VPS13D: variants seen among roughly 807,000 people sequenced by gnomAD.
VPS13D encodes vacuolar protein sorting 13 homolog D.
Under a neutral mutation model 461.9 loss-of-function variants are expected in VPS13D, and 187 were observed. That is an observed-to-expected ratio of 0.40 (90% CI 0.36 to 0.46). The LOEUF (loss-of-function observed/expected upper bound fraction) is 0.46, where lower values mean the gene tolerates loss of function less well. Ranked by LOEUF, VPS13D falls within the 20% of genes least tolerant of loss-of-function variation. VPS13D has a pLI of 0.60. For missense variants in VPS13D, 4,711 were observed against 5,364.9 expected, an observed-to-expected ratio of 0.88 and a Z score of 3.81; for synonymous variants, 1,951 against 1,986.3, an observed-to-expected ratio of 0.98 and a Z score of 0.47.
chr1:12,477,987 A>C (rs974008536), intron 67 of VPS13D, among the ~76,000 whole-genome samples: 1 of 152,204 alleles, frequency 6.6e-6, no homozygotes, highest in African/African-American at 2.4e-5. Flanking sequence ...GCACTGTAGG[A>C]GGACTCAGCA....
In VPS13D at chr1:12,293,713, C is replaced by T; in HGVS notation, c.6033+9C>T. 6.2e-7 allele frequency: 1 copy of T among 1,610,414 alleles called. No homozygotes were observed. The highest frequency in any genetic ancestry group is 8.5e-7 in the Non-Finnish European group (1 of 1,178,608). The stretch of plus-strand genomic sequence containing the variant: ...CTATTGAGGGGCAGACGGTAGGTAG[C>T]CTGGGCCCTCCAAGCTGCTTTTCCA... On this transcript the variant is annotated intron_variant, in intron 24 of 69. Coordinates refer to ENST00000620676, the MANE Select transcript of VPS13D (RefSeq NM_015378.4).
chr1:12,370,070 C>T (rs961451020), intron 54 of VPS13D, among the ~76,000 whole-genome samples: 7 of 152,170 alleles, frequency 4.6e-5, no homozygotes, highest in Admixed American at 2.0e-4. Context: ...CCCACCATCC[C>T]ATTGAGAATA....
chr1:12,343,910 A>G (rs994542153), intron 42 of VPS13D, among the ~76,000 whole-genome samples: 3 of 152,232 alleles, frequency 2.0e-5, no homozygotes, highest in African/African-American at 7.2e-5. Context: ...TAATTTACAT[A>G]TATGCCACGT....
chr1:12,261,802 T>C (rs1347623960), intron 12 of VPS13D, 99 bp from the exon 13 acceptor site: 1 of 1,038,894 alleles, frequency 9.6e-7, no homozygotes, highest in African/African-American at 1.6e-5. Flanking sequence ...AAGGGAAAAA[T>C]AGTTAAATAA....
Position 12,416,773 on chromosome 1 carries a change from T to C in VPS13D, c.12279T>C (p.Asn4093=), listed in dbSNP as rs141480098. 1.9e-5 allele frequency: 31 copies of C among 1,613,950 alleles called. No individual in the cohort carries two copies. Among genetic ancestry groups the C allele is most frequent in the African/African-American group, 4.0e-5 (3 of 74,902 alleles). ...EGVTGLIKYG[N]VGGLIRNVTH... ...TTACTGGACTGATAAAATATGGAAA[T>C]GTCGGGGGCCTCATCAGAAATGTTA... Residue 4093 remains asparagine (N), a synonymous_variant, in exon 65 of 70, where the codon AAT becomes AAC. Coordinates refer to ENST00000620676, the MANE Select transcript of VPS13D (RefSeq NM_015378.4).
chr1:12,479,781 T>C lies in VPS13D; in HGVS notation c.12663-17719T>C, dbSNP rs577824133. Among the ~76,000 whole-genome samples, 16 of 152,314 alleles carry C rather than the reference T, an allele frequency of 1.1e-4. No individual in the cohort carries two copies. In the South Asian group the frequency reaches 3.3e-3, roughly 32 times the overall value. ...TCTACTTCCTTTCGATTCTTGGATA[T>C]GAAGGGTAGGAGCTTAATATCTGCC... is the stretch of plus-strand genomic sequence containing the variant. On this transcript the variant is annotated intron_variant, in intron 67 of 69. Coordinates refer to ENST00000620676, the MANE Select transcript of VPS13D (RefSeq NM_015378.4).
chr1:12,245,379 A>C (rs144434968), intron 5 of VPS13D, among the ~76,000 whole-genome samples: 3 of 152,354 alleles, frequency 2.0e-5, no homozygotes, highest in African/African-American at 4.8e-5. Context: ...TTGACAAACA[A>C]ATTTATAAAA....
At chr1:12,249,417 T>A (rs950949340) in intron 6 of VPS13D, 78 bp downstream of exon 6, 1 of 1,174,856 alleles carries the variant, frequency 8.5e-7, no homozygotes, top group Non-Finnish European at 1.2e-6. Context: ...TGCCATTTTG[T>A]GTTATGTAAA....
intron 55 of VPS13D, 36 bp downstream of exon 55, chr1:12,373,894 G>GT: frequency 6.5e-7 from 1 of 1,536,516 alleles, no homozygotes; most frequent in Non-Finnish European, 8.9e-7. Flanking sequence ...AGAATACAAG[G>GT]TTTTTAGCAC....
Position 12,356,203 on chromosome 1 carries a change from G to A in VPS13D, c.9871+113G>A, listed in dbSNP as rs1045868828. 7 of 1,410,080 alleles carry A rather than the reference G, an allele frequency of 5.0e-6. No individual in the cohort carries two copies. The African/African-American group carries it at 1.0e-4, about 20-fold the overall frequency. 87.3% of individuals were successfully genotyped at this position (1,410,080 alleles called of 1,614,324 possible). A position where few individuals can be genotyped will look rare whatever the true frequency, so the allele number is the denominator to read the frequency against. ...CAAATAGATTACTTCAACAGTCTGA[G>A]CTGCTGAAACATTCCTGCTTCCATC... On this transcript the variant is annotated intron_variant, in intron 48 of 69. Transcript: ENST00000620676.
chr1:12,457,126 T>C (rs980958711), intron 66 of VPS13D, among the ~76,000 whole-genome samples: 5 of 152,252 alleles, frequency 3.3e-5, no homozygotes, highest in Non-Finnish European at 5.9e-5. Context: ...TTGTTGCATT[T>C]TTCTTAACAA....
chr1:12,386,991 G>A (rs1644358390), intron 60 of VPS13D, among the ~76,000 whole-genome samples: 1 of 152,160 alleles, frequency 6.6e-6, no homozygotes, highest in Admixed American at 6.5e-5. Context: ...GGCATAGAGA[G>A]CTGCACAGAA....
Position 12,261,915 on chromosome 1 carries a change from T to A in VPS13D, c.1429T>A (p.Phe477Ile), listed in dbSNP as rs774016133. 2 of 1,610,824 alleles carry A rather than the reference T, an allele frequency of 1.2e-6. No individual in the cohort carries two copies. Among genetic ancestry groups the A allele is most frequent in the Non-Finnish European group, 1.7e-6 (2 of 1,177,996 alleles). Reference protein sequence around the residue: ...PEEILGTEEFFDPTADASCMN... With the variant: ...PEEILGTEEFIDPTADASCMN... The stretch of plus-strand genomic sequence containing the variant: ...TTACCATTTAGGCACTGAGGAGTTT[T>A]TTGACCCCACTGCAGATGCCTCGTG... Residue 477 changes from phenylalanine (F) to isoleucine (I), a missense_variant, in exon 13 of 70, where the codon TTT (phenylalanine) becomes ATT (isoleucine). This residue lies in a region of VPS13D where 4,411 missense variants were observed against 4,937.8 expected (regional missense o/e 0.89). Transcript: ENST00000620676.
At chr1:12,447,335 G>A (rs999708327) in intron 65 of VPS13D, among the ~76,000 whole-genome samples, 1 of 152,148 alleles carries the variant, frequency 6.6e-6, no homozygotes, top group African/African-American at 2.4e-5. Flanking sequence ...AAATGCTCAT[G>A]GTCTTTCCAG....
At chr1:12,367,494 C>A (rs1570017225) in intron 52 of VPS13D, among the ~76,000 whole-genome samples, 1 of 152,126 alleles carries the variant, frequency 6.6e-6, no homozygotes, top group African/African-American at 2.4e-5. Context: ...TTCCCAAAAA[C>A]CTTTCATTCA....
In VPS13D at chr1:12,308,181, G is replaced by A. The variant is rs111268684; in HGVS notation, c.6440-250G>A. Among the ~76,000 whole-genome samples, 265 of 152,214 alleles carry A rather than the reference G, an allele frequency of 1.7e-3. 5 individuals carry two copies. The highest frequency in any genetic ancestry group is 6.1e-3 in the African/African-American group (253 of 41,538). ...GCATGAGACACCGTAGAACTGTGAC[G>A]CGGTCTGTGCTTGGAGTGGAGGCGG... is the stretch of plus-strand genomic sequence containing the variant. On this transcript the variant is annotated intron_variant, in intron 26 of 69. Coordinates refer to ENST00000620676, the MANE Select transcript of VPS13D (RefSeq NM_015378.4).
At chr1:12,300,064 A>G (rs1187693202) in intron 25 of VPS13D, among the ~76,000 whole-genome samples, 1 of 151,958 alleles carries the variant, frequency 6.6e-6, no homozygotes, top group Non-Finnish European at 1.5e-5. Context: ...AAACAAGTAA[A>G]CGTGTTTCCC....
chr1:12,249,212 T>G lies in VPS13D; in HGVS notation c.448-11T>G. 1.2e-6 allele frequency: 2 copies of G among 1,603,790 alleles called. No homozygotes were observed. Among genetic ancestry groups the G allele is most frequent in the Non-Finnish European group, 1.7e-6 (2 of 1,173,944 alleles). On this transcript the variant is annotated splice_polypyrimidine_tract_variant and intron_variant, in intron 5 of 69. Coordinates refer to ENST00000620676, the MANE Select transcript of VPS13D (RefSeq NM_015378.4). ...GGTGCATCAGCTGCTTTTTCTTTTTTCTCTTTGCAGTTAAAAATTCAAGAT... is the reference window on the plus strand; with the variant it reads ...GGTGCATCAGCTGCTTTTTCTTTTTGCTCTTTGCAGTTAAAAATTCAAGAT...
At chr1:12,304,791 A>G in intron 26 of VPS13D, 63 bp downstream of exon 26, 4 of 1,511,380 alleles carry the variant, frequency 2.6e-6, no homozygotes, top group Non-Finnish European at 3.7e-6. Flanking sequence ...TGTTGAGGAA[A>G]CTGAGGGGGG....
Sources: gnomAD v4.1 joint callset for allele counts (sites outside exome capture counted in the v4.1 genomes callset) on GRCh38, gnomAD v4.1.1 for gene constraint, gnomAD v4.1.1 regional missense constraint, MANE v1.5 for transcripts, NCBI Gene and HGNC (gene_info 2026-07-23, HGNC 2026-07-21) for gene names.